SLC24A4: variants seen among roughly 807,000 people sequenced by gnomAD.
The protein encoded by SLC24A4 is sodium/potassium/calcium exchanger 4.
A neutral mutation model predicts 79.0 loss-of-function variants in SLC24A4; 53 were observed. The observed-to-expected ratio is 0.67, with a 90% CI of 0.54 to 0.84. The LOEUF (loss-of-function observed/expected upper bound fraction) is 0.84. Ranked by LOEUF, SLC24A4 falls within the 40% of genes least tolerant of loss-of-function variation. The pLI is 0.00. For synonymous variants in SLC24A4, 323 were observed against 323.8 expected (o/e 1.00, Z 0.03); for missense variants, 731 against 822.0 (o/e 0.89, Z 1.35).
intron 2 of SLC24A4, among the ~76,000 whole-genome samples, chr14:92,377,258 G>A (rs1888566918): frequency 6.6e-6 from 1 of 152,240 alleles, no homozygotes; most frequent in African/African-American, 2.4e-5. Flanking sequence ...ACCTTATGAA[G>A]ACCAAATGGT....
chr14:92,492,628 T>A (rs1039000167), intron 16 of SLC24A4, among the ~76,000 whole-genome samples: 6 of 152,188 alleles, frequency 3.9e-5, no homozygotes. Flanking sequence ...TGTCCAGGTC[T>A]GTGCTGAGCA....
chr14:92,364,194 G>T (rs1479009926), intron 2 of SLC24A4, among the ~76,000 whole-genome samples: 2 of 152,214 alleles, frequency 1.3e-5, no homozygotes, highest in Non-Finnish European at 2.9e-5. Flanking sequence ...ATCATAATTA[G>T]CTGTCTTTCC....
rs181374800 is a variant in SLC24A4, at chr14:92,368,808, C to T, written c.241+42830C>T. Among the ~76,000 whole-genome samples the T allele has an allele frequency of 5.7e-4, 87 of 152,200 alleles. 1 individual carries two copies. The highest frequency in any genetic ancestry group is 1.1e-3 in the Non-Finnish European group (76 of 68,020). The stretch of plus-strand genomic sequence containing the variant: ...AGGCAGCACAACCAGAATACCCTGC[C>T]TCACCCAACTTTGGCAGAAAAAGAG... On this transcript the variant is annotated intron_variant, in intron 2 of 16. Coordinates refer to ENST00000532405, the MANE Select transcript of SLC24A4 (RefSeq NM_153646.4).
At chr14:92,403,218 G>A (rs1198409427) in intron 2 of SLC24A4, among the ~76,000 whole-genome samples, 2 of 152,236 alleles carry the variant, frequency 1.3e-5, no homozygotes, top group Non-Finnish European at 2.9e-5. Flanking sequence ...GTGAGGAAGG[G>A]CAGCGTGAAT....
chr14:92,442,611 T>G, intron 5 of SLC24A4, 102 bp from the exon 6 acceptor site: 2 of 799,778 alleles, frequency 2.5e-6, no homozygotes, highest in African/African-American at 1.7e-5. Context: ...GTGCTCTGTT[T>G]GTTAGTAAAG....
intron 2 of SLC24A4, among the ~76,000 whole-genome samples, chr14:92,359,351 G>A (rs1044035617): frequency 6.6e-6 from 1 of 152,090 alleles, no homozygotes; most frequent in Non-Finnish European, 1.5e-5. Flanking sequence ...CAAGGCAGGC[G>A]GATCATGAGG....
At chr14:92,395,630 G>A (rs1396411279) in intron 2 of SLC24A4, among the ~76,000 whole-genome samples, 7 of 152,130 alleles carry the variant, frequency 4.6e-5, no homozygotes, top group Admixed American at 4.6e-4. Flanking sequence ...GGAGTTTCTA[G>A]AGTGTGAGGG....
At chr14:92,380,979 G>T (rs1177918005) in intron 2 of SLC24A4, among the ~76,000 whole-genome samples, 2 of 152,158 alleles carry the variant, frequency 1.3e-5, no homozygotes, top group East Asian at 1.9e-4. Flanking sequence ...CCCTGGGAGG[G>T]TGTGCACATA....
intron 2 of SLC24A4, among the ~76,000 whole-genome samples, chr14:92,374,523 T>A (rs1313703447): frequency 1.3e-5 from 2 of 152,164 alleles, no homozygotes; most frequent in African/African-American, 2.4e-5. Context: ...CAGAGCTGGG[T>A]GCCTGTCAGA....
Sources: gnomAD v4.1 joint callset for allele counts (sites outside exome capture counted in the v4.1 genomes callset) on GRCh38, gnomAD v4.1.1 for gene constraint, MANE v1.5 for transcripts, NCBI Gene and HGNC (gene_info 2026-07-23, HGNC 2026-07-21) for gene names.